The following BICC1 variants were observed in gnomAD, a reference collection of about 807,000 sequenced individuals.
BICC1 encodes the protein BicC family RNA binding protein 1.
BICC1 carries 43 observed loss-of-function variants against 111.0 expected under a neutral mutation model. The observed-to-expected ratio is 0.39, with a 90% CI of 0.30 to 0.50. The LOEUF (loss-of-function observed/expected upper bound fraction) is 0.50. Among genes scored for constraint, BICC1 ranks in the 20% least tolerant of loss-of-function variants. BICC1 has a pLI of 0.88. For synonymous variants in BICC1, 467 were observed against 434.4 expected (o/e 1.07, Z -0.93); for missense variants, 1,091 against 1,203.2 (o/e 0.91, Z 1.38).
At chr10:58,575,289 CT>C (rs1844078618) in intron 1 of BICC1, among the ~76,000 whole-genome samples, 1 of 144,294 alleles carries the variant, frequency 6.9e-6, no homozygotes, top group Non-Finnish European at 1.5e-5. Flanking sequence ...CCTTGCAAAC[CT>C]TTTAAAGAGT....
At chr10:58,818,445 A>G (rs576681102) in intron 19 of BICC1, among the ~76,000 whole-genome samples, 34 of 152,320 alleles carry the variant, frequency 2.2e-4, no homozygotes, top group Middle Eastern at 3.4e-3. Context: ...TTTTCAAATC[A>G]AGACATGGTC....
At chr10:58,620,513 G>T (rs959935487) in intron 1 of BICC1, among the ~76,000 whole-genome samples, 1 of 152,186 alleles carries the variant, frequency 6.6e-6, no homozygotes, top group African/African-American at 2.4e-5. Flanking sequence ...GATAGGAAGT[G>T]CTTGGAATGC....
chr10:58,659,752 A>G (rs147504430), intron 2 of BICC1, among the ~76,000 whole-genome samples: 25 of 152,314 alleles, frequency 1.6e-4, no homozygotes, highest in African/African-American at 5.8e-4. Flanking sequence ...GGAAAATTTT[A>G]TGTCAAGTGA....
chr10:58,813,232 G>A (rs745745279), intron 17 of BICC1, among the ~76,000 whole-genome samples: 1 of 152,144 alleles, frequency 6.6e-6, no homozygotes, highest in African/African-American at 2.4e-5. Context: ...ATGAATAAAT[G>A]CAAGTTCAGT....
At chr10:58,675,783 C>T (rs532685800) in intron 2 of BICC1, among the ~76,000 whole-genome samples, 34 of 152,256 alleles carry the variant, frequency 2.2e-4, no homozygotes, top group Non-Finnish European at 4.3e-4. Flanking sequence ...TTGAATATAT[C>T]CCATCTTTAC....
chr10:58,568,636 A>G (rs1364824240), intron 1 of BICC1, among the ~76,000 whole-genome samples: 2 of 152,132 alleles, frequency 1.3e-5, no homozygotes, highest in Admixed American at 6.6e-5. Context: ...ATCCACTCCA[A>G]GGAGGCTTTT....
At chr10:58,716,528 A>G (rs2132504819) in intron 3 of BICC1, among the ~76,000 whole-genome samples, 1 of 152,276 alleles carries the variant, frequency 6.6e-6, no homozygotes, top group East Asian at 1.9e-4. Context: ...AATACACTGC[A>G]GTCATACTAG....
chr10:58,653,642 C>G (rs1366842239), intron 2 of BICC1, among the ~76,000 whole-genome samples: 3 of 151,538 alleles, frequency 2.0e-5, no homozygotes, highest in Non-Finnish European at 4.4e-5. Context: ...TTGTTTGAAC[C>G]AGGGCAGTGC....
At chr10:58,751,293 T>C (rs1392634163) in intron 3 of BICC1, among the ~76,000 whole-genome samples, 1 of 152,224 alleles carries the variant, frequency 6.6e-6, no homozygotes, top group African/African-American at 2.4e-5. Flanking sequence ...CTAATATAAA[T>C]GGTACAGTTG....
intron 1 of BICC1, among the ~76,000 whole-genome samples, chr10:58,533,062 G>T (rs1377857445): frequency 6.7e-6 from 1 of 148,980 alleles, no homozygotes; most frequent in Admixed American, 6.9e-5. Context: ...GTCCCAAAAA[G>T]AAAAATAAAA....
chr10:58,544,108 C>A (rs1444167539), intron 1 of BICC1, among the ~76,000 whole-genome samples: 8 of 152,086 alleles, frequency 5.3e-5, no homozygotes, highest in Non-Finnish European at 7.4e-5. Context: ...CCTTCTGAGA[C>A]TTTCATCAAA....
chr10:58,777,520 A>T (rs771232947), intron 3 of BICC1, among the ~76,000 whole-genome samples: 7 of 152,132 alleles, frequency 4.6e-5, no homozygotes, highest in Non-Finnish European at 8.8e-5. Context: ...TGGTATGTGA[A>T]TGGACCTCCC....
chr10:58,806,532 G>C, intron 15 of BICC1, 52 bp from the exon 16 acceptor site: 1 of 1,507,892 alleles, frequency 6.6e-7, no homozygotes, highest in Non-Finnish European at 9.2e-7. Context: ...TGGAGTGTTG[G>C]CATGACATTT....
intron 3 of BICC1, among the ~76,000 whole-genome samples, chr10:58,779,351 G>A (rs893972354): frequency 5.9e-5 from 9 of 152,226 alleles, no homozygotes; most frequent in Non-Finnish European, 1.0e-4. Context: ...TGCCACTGGG[G>A]TGAACACTGC....
chr10:58,785,571 CTCTCTG>C (rs1842988469), intron 4 of BICC1, among the ~76,000 whole-genome samples: 1 of 152,044 alleles, frequency 6.6e-6, no homozygotes, highest in South Asian at 2.1e-4. Flanking sequence ...CTCTCTCTCT[CTCTCTG>C]TAAGTATATG....
chr10:58,726,329 A>G (rs1013848778), intron 3 of BICC1, among the ~76,000 whole-genome samples: 1 of 152,236 alleles, frequency 6.6e-6, no homozygotes, highest in Non-Finnish European at 1.5e-5. Context: ...TACATGTCTT[A>G]TAATTTATCT....
At chr10:58,739,644 A>G (rs1370331280) in intron 3 of BICC1, among the ~76,000 whole-genome samples, 1 of 152,122 alleles carries the variant, frequency 6.6e-6, no homozygotes. Flanking sequence ...TTATAGATAA[A>G]TTTTAACTGA....
intron 15 of BICC1, among the ~76,000 whole-genome samples, chr10:58,804,590 T>C (rs1394559835): frequency 6.6e-6 from 1 of 152,244 alleles, no homozygotes; most frequent in Admixed American, 6.5e-5. Context: ...TCAGTTAATA[T>C]GAATTACAAT....
chr10:58,612,498 A>C (rs1845460929), intron 1 of BICC1, among the ~76,000 whole-genome samples: 1 of 152,300 alleles, frequency 6.6e-6, no homozygotes, highest in African/African-American at 2.4e-5. Flanking sequence ...TTTTGTGTAA[A>C]ATATTTTTGC....
Sources: allele counts gnomAD v4.1 joint callset (sites outside exome capture counted in the v4.1 genomes callset), GRCh38; gene constraint gnomAD v4.1.1; transcripts MANE v1.5; gene names NCBI Gene and HGNC (gene_info 2026-07-23, HGNC 2026-07-21).